The following SNX4 variants were observed in gnomAD, a reference collection of about 807,000 sequenced individuals.
SNX4 encodes the protein sorting nexin-4.
SNX4 carries 49 observed loss-of-function variants against 70.8 expected under a neutral mutation model. The observed-to-expected ratio is 0.69, with a 90% CI of 0.55 to 0.88. The LOEUF is 0.88. SNX4 is among the 40% of genes least tolerant of loss of function. SNX4 has a pLI of 0.00. For missense variants in SNX4, 528 were observed against 544.8 expected (o/e 0.97, Z 0.31); for synonymous variants, 206 against 183.8 (o/e 1.12, Z -0.98).
At chr3:125,453,394 C>A (rs113652083) in intron 12 of SNX4, among the ~76,000 whole-genome samples, 3 of 152,170 alleles carry the variant, frequency 2.0e-5, no homozygotes, top group African/African-American at 7.2e-5. Flanking sequence ...AGGAATAGTG[C>A]AGGAAAATAA....
Position 125,452,767 on chromosome 3 carries a change from G to A in SNX4, c.1190+1043C>T, listed in dbSNP as rs1365656110. On this transcript the variant is annotated intron_variant, in intron 12 of 13. Coordinates refer to ENST00000251775, the MANE Select transcript of SNX4 (RefSeq NM_003794.4). ...CGAGTAGCTGGGACTGTAGGCGCCT[G>A]CCACCGCGCTCGGCTAATTTTTTTG... is the stretch of plus-strand genomic sequence containing the variant. 2.6e-5 allele frequency among the ~76,000 whole-genome samples: 4 copies of A among 152,136 alleles called. No homozygotes were observed. In the East Asian group the frequency reaches 7.7e-4, roughly 29 times the overall value.
chr3:125,477,787 A>G (rs548934204), intron 7 of SNX4, among the ~76,000 whole-genome samples: 1 of 152,160 alleles, frequency 6.6e-6, no homozygotes, highest in Admixed American at 6.5e-5. Flanking sequence ...TTAACACACT[A>G]CAGGTCTGCC....
At chr3:125,458,660 CA>C (rs981212954) in intron 10 of SNX4, among the ~76,000 whole-genome samples, 3 of 150,590 alleles carry the variant, frequency 2.0e-5, no homozygotes, top group African/African-American at 7.3e-5. Flanking sequence ...ACTAAAAATA[CA>C]AAAAAAGCCG....
chr3:125,502,946 G>C (rs1934964481), intron 2 of SNX4, among the ~76,000 whole-genome samples: 2 of 145,976 alleles, frequency 1.4e-5, no homozygotes, highest in Non-Finnish European at 3.0e-5. Context: ...TTTTGAGACA[G>C]CCTCTCGCTC....
intron 7 of SNX4, among the ~76,000 whole-genome samples, chr3:125,477,257 T>G (rs1285620869): frequency 2.6e-5 from 4 of 152,196 alleles, no homozygotes; most frequent in Non-Finnish European, 5.9e-5. Context: ...CATTTTCAAT[T>G]CTATTGAGAT....
chr3:125,512,772 CTT>C (rs35641181), intron 1 of SNX4, among the ~76,000 whole-genome samples: 136 of 142,594 alleles, frequency 9.5e-4, no homozygotes, highest in Middle Eastern at 3.5e-3. Context: ...GATACAACAA[CTT>C]TTTTTTTTTT....
intron 6 of SNX4, 21 bp downstream of exon 6, chr3:125,489,387 G>C: frequency 6.3e-7 from 1 of 1,592,952 alleles, no homozygotes. Context: ...CATTGTAACT[G>C]TTATTAAAAC....
At chr3:125,463,573 T>C (rs991523701) in intron 9 of SNX4, among the ~76,000 whole-genome samples, 5 of 152,224 alleles carry the variant, frequency 3.3e-5, no homozygotes, top group African/African-American at 1.2e-4. Context: ...AACAAAATAG[T>C]TGAAAAAAGT....
chr3:125,500,560 G>C (rs1934902886), intron 2 of SNX4, among the ~76,000 whole-genome samples: 1 of 151,950 alleles, frequency 6.6e-6, no homozygotes, highest in South Asian at 2.1e-4. Flanking sequence ...CCAGCACTTT[G>C]GGAGGCCGAG....
intron 6 of SNX4, among the ~76,000 whole-genome samples, chr3:125,487,489 CTAG>C (rs1382553355): frequency 1.3e-5 from 2 of 152,004 alleles, no homozygotes; most frequent in African/African-American, 4.8e-5. Context: ...TGACAAAATA[CTAG>C]TATTAATCAA....
At chr3:125,503,715 G>T (rs140731340) in intron 2 of SNX4, among the ~76,000 whole-genome samples, 1 of 152,050 alleles carries the variant, frequency 6.6e-6, no homozygotes, top group Non-Finnish European at 1.5e-5. Context: ...TTCTTTTACA[G>T]AATTGCACAG....
intron 6 of SNX4, among the ~76,000 whole-genome samples, chr3:125,483,736 T>C (rs1037560520): frequency 1.3e-5 from 2 of 152,052 alleles, no homozygotes; most frequent in African/African-American, 4.8e-5. Flanking sequence ...GATGTGCACC[T>C]TTGAAAAAAA....
chr3:125,462,535 G>A (rs2107531379), intron 9 of SNX4, among the ~76,000 whole-genome samples: 1 of 140,806 alleles, frequency 7.1e-6, no homozygotes, highest in East Asian at 2.2e-4. Flanking sequence ...AGGCTGCAGT[G>A]AGCTGTGAAT....
At chr3:125,488,541 A>G (rs1428022184) in intron 6 of SNX4, among the ~76,000 whole-genome samples, 1 of 152,196 alleles carries the variant, frequency 6.6e-6, no homozygotes, top group Non-Finnish European at 1.5e-5. Flanking sequence ...ACCAAAATTT[A>G]AAAATATTCA....
intron 10 of SNX4, among the ~76,000 whole-genome samples, chr3:125,459,852 A>C (rs1933829481): frequency 7.8e-6 from 1 of 128,826 alleles, no homozygotes; most frequent in South Asian, 2.5e-4. Context: ...ATCACCACAG[A>C]GGTAAGGGAA....
At chr3:125,464,464 T>C (rs925461004) in intron 9 of SNX4, among the ~76,000 whole-genome samples, 12 of 151,824 alleles carry the variant, frequency 7.9e-5, no homozygotes, top group Non-Finnish European at 1.5e-4. Context: ...TTTTTTTCCA[T>C]GTAGATATCC....
intron 9 of SNX4, among the ~76,000 whole-genome samples, chr3:125,463,509 T>C (rs1291659566): frequency 1.3e-5 from 2 of 152,196 alleles, no homozygotes; most frequent in African/African-American, 4.8e-5. Context: ...TAATCCTAAA[T>C]TCTTGGAAAC....
Position 125,451,404 on chromosome 3 carries a change from G to T in SNX4, c.1206C>A (p.Asn402Lys). ...KNLEGREFVK[N>K]AWADIERFKE... ...TGAAGCGTTCAATATCAGCCCATGCGTTTTTCACAAATTCTCTGAAATAAA... is the reference window on the plus strand; with the variant it reads ...TGAAGCGTTCAATATCAGCCCATGCTTTTTTCACAAATTCTCTGAAATAAA... Residue 402 changes from asparagine to lysine, a missense_variant, in exon 13 of 14, where the codon AAC (asparagine) becomes AAA (lysine). Asn to Lys is a moderately conservative substitution (Grantham distance 94). Around this residue, in one of 3 missense-constraint regions of SNX4, gnomAD observed 159 missense variants for 172.6 expected, o/e 0.92. Transcript: ENST00000251775. 6.2e-7 allele frequency: 1 copy of T among 1,611,542 alleles called. No homozygotes were observed. Among genetic ancestry groups the T allele is most frequent in the Non-Finnish European group, 8.5e-7 (1 of 1,178,224 alleles).
intron 12 of SNX4, among the ~76,000 whole-genome samples, chr3:125,452,784 A>AT (rs1375739265): frequency 1.3e-5 from 2 of 151,718 alleles, no homozygotes; most frequent in Non-Finnish European, 2.9e-5. Context: ...CGCTCGGCTA[A>AT]TTTTTTTGGT....
Sources: gnomAD v4.1 joint callset for allele counts (sites outside exome capture counted in the v4.1 genomes callset) on GRCh38, gnomAD v4.1.1 for gene constraint, gnomAD v4.1.1 regional missense constraint, MANE v1.5 for transcripts, NCBI Gene and HGNC (gene_info 2026-07-23, HGNC 2026-07-21) for gene names.